The following LRMDA variants were observed in gnomAD, a reference collection of about 807,000 sequenced individuals.
LRMDA encodes leucine rich melanocyte differentiation associated.
In LRMDA, 18 loss-of-function variants were observed where a neutral mutation model predicts 29.8. The ratio of observed to expected loss-of-function variants is 0.60; its 90% CI spans 0.42 to 0.90. The LOEUF (loss-of-function observed/expected upper bound fraction) is 0.90. Among genes scored for constraint, LRMDA ranks in the 40% least tolerant of loss-of-function variants. The pLI, the probability that LRMDA is intolerant of heterozygous loss-of-function variation, is 0.00. For synonymous variants in LRMDA, 125 were observed against 109.4 expected (o/e 1.14, Z -0.89); for missense variants, 273 against 273.9 (o/e 1.00, Z 0.02).
chr10:75,551,637 T>C lies in LRMDA; in HGVS notation c.131+113143T>C, dbSNP rs141159964. ...CTGAGAATGATGGTTTCCAGCGTCA[T>C]GCATGTCCCTGCAAAGGACATGAAC... On this transcript the variant is annotated intron_variant, in intron 2 of 6. Transcript: ENST00000611255. Among the ~76,000 whole-genome samples, 1,420 of 152,264 alleles carry C rather than the reference T, an allele frequency of 9.3e-3. 26 individuals carry two copies. Among genetic ancestry groups the C allele is most frequent in the African/African-American group, 0.032 (1,328 of 41,548 alleles).
At chr10:75,918,833 G>A (rs138893309) in intron 2 of LRMDA, among the ~76,000 whole-genome samples, 3 of 152,078 alleles carry the variant, frequency 2.0e-5, no homozygotes, top group Non-Finnish European at 4.4e-5. Context: ...TTATTCACCT[G>A]TTTAGTTTAA....
chr10:75,827,638 G>A (rs760634482), intron 2 of LRMDA, among the ~76,000 whole-genome samples: 16 of 152,196 alleles, frequency 1.1e-4, no homozygotes, highest in Non-Finnish European at 2.4e-4. Flanking sequence ...GTAAAGCAAA[G>A]TGCAAAAATC....
intron 2 of LRMDA, among the ~76,000 whole-genome samples, chr10:76,016,819 G>A (rs74945698): frequency 0.018 from 2,671 of 152,288 alleles, 81 homozygotes; most frequent in African/African-American, 0.06. Context: ...GGATTTGACC[G>A]CCGCATCAGT....
chr10:75,471,888 C>A (rs1844731113), intron 2 of LRMDA, among the ~76,000 whole-genome samples: 1 of 152,062 alleles, frequency 6.6e-6, no homozygotes. Context: ...CTCCCTGTGT[C>A]AGGGAAGGCT....
intron 2 of LRMDA, among the ~76,000 whole-genome samples, chr10:75,818,739 G>A (rs1279216417): frequency 6.6e-6 from 1 of 152,188 alleles, no homozygotes; most frequent in Non-Finnish European, 1.5e-5. Flanking sequence ...ATAACTGCTG[G>A]TTTTCTTCTG....
At chr10:76,173,721 T>C (rs2196363) in intron 5 of LRMDA, among the ~76,000 whole-genome samples, 56,514 of 151,920 alleles carry the variant, frequency 0.37, 12,421 homozygotes, top group East Asian at 0.77. Flanking sequence ...AGTGCAGTGG[T>C]GCCATCTCGG....
intron 2 of LRMDA, among the ~76,000 whole-genome samples, chr10:76,010,314 C>CTTTTTTTTTTTTTTTTTTTTTCT (rs71024580): frequency 7.2e-6 from 1 of 138,888 alleles, no homozygotes. Context: ...AATTTATATC[C>CTTTTTTTTTTTTTTTTTTTTTCT]TTTTTTTTTT....
chr10:76,244,216 C>A (rs1362241297), intron 5 of LRMDA, among the ~76,000 whole-genome samples: 1 of 152,186 alleles, frequency 6.6e-6, no homozygotes, highest in Non-Finnish European at 1.5e-5. Context: ...TTACACTTGT[C>A]TCTCAGTATC....
intron 2 of LRMDA, among the ~76,000 whole-genome samples, chr10:75,477,846 T>C (rs1330463501): frequency 6.6e-6 from 1 of 152,258 alleles, no homozygotes; most frequent in Non-Finnish European, 1.5e-5. Context: ...TTTGCAAGAA[T>C]TATGGGCTTT....
chr10:75,877,452 T>G (rs933322475), intron 2 of LRMDA, among the ~76,000 whole-genome samples: 2 of 152,212 alleles, frequency 1.3e-5, no homozygotes, highest in Non-Finnish European at 2.9e-5. Context: ...CTCCAGGTTG[T>G]TTCTTAGATT....
At chr10:76,467,089 A>G (rs879839311) in intron 6 of LRMDA, among the ~76,000 whole-genome samples, 2 of 152,210 alleles carry the variant, frequency 1.3e-5, no homozygotes, top group Non-Finnish European at 2.9e-5. Flanking sequence ...TCCTTAAGTA[A>G]TCCCTTAGGA....
intron 2 of LRMDA, among the ~76,000 whole-genome samples, chr10:75,923,247 A>G (rs1200906848): frequency 1.3e-5 from 2 of 152,228 alleles, no homozygotes; most frequent in Admixed American, 6.5e-5. Flanking sequence ...ATAAAATAAC[A>G]TTGAAGAGGG....
chr10:76,441,134 G>T lies in LRMDA; in HGVS notation c.602-116075G>T, dbSNP rs78027393. ...GGAACACACACCAGATGGTGCATGAGTGATATTGTAGGGTGACTCTTTCAT... is the reference window on the plus strand; with the variant it reads ...GGAACACACACCAGATGGTGCATGATTGATATTGTAGGGTGACTCTTTCAT... On this transcript the variant is annotated intron_variant, in intron 6 of 6. Transcript: ENST00000611255. 6.3e-3 allele frequency among the ~76,000 whole-genome samples: 952 copies of T among 152,222 alleles called. 7 individuals are homozygous for T. Among genetic ancestry groups the T allele is most frequent in the African/African-American group, 0.022 (925 of 41,534 alleles).
chr10:75,561,131 C>G (rs1281040814), intron 2 of LRMDA, among the ~76,000 whole-genome samples: 3 of 151,564 alleles, frequency 2.0e-5, no homozygotes, highest in Non-Finnish European at 4.4e-5. Context: ...CCTTGTACCT[C>G]TGGTAGAATT....
intron 5 of LRMDA, among the ~76,000 whole-genome samples, chr10:76,209,252 T>A (rs1045503317): frequency 3.9e-5 from 6 of 152,168 alleles, no homozygotes; most frequent in African/African-American, 1.4e-4. Flanking sequence ...AAACAGACTG[T>A]GCTTCCGTGC....
At chr10:76,160,505 T>G (rs1850625878) in intron 5 of LRMDA, among the ~76,000 whole-genome samples, 1 of 152,086 alleles carries the variant, frequency 6.6e-6, no homozygotes, top group African/African-American at 2.4e-5. Flanking sequence ...CTGGGATTCA[T>G]TCAAAAAAAA....
intron 6 of LRMDA, among the ~76,000 whole-genome samples, chr10:76,519,008 T>C (rs1279318390): frequency 6.6e-6 from 1 of 152,100 alleles, no homozygotes; most frequent in Non-Finnish European, 1.5e-5. Flanking sequence ...AAAAGTTAAC[T>C]AGAAAAACCC....
At chr10:75,538,889 A>G (rs1295292342) in intron 2 of LRMDA, among the ~76,000 whole-genome samples, 1 of 152,158 alleles carries the variant, frequency 6.6e-6, no homozygotes, top group African/African-American at 2.4e-5. Flanking sequence ...TTCACATTCT[A>G]CAGTACTGAA....
chr10:75,842,814 G>C (rs759398957), intron 2 of LRMDA, among the ~76,000 whole-genome samples: 3 of 151,822 alleles, frequency 2.0e-5, no homozygotes, highest in Non-Finnish European at 4.4e-5. Flanking sequence ...GATGGCTTGA[G>C]CCCAGGAGCT....
Sources: allele counts gnomAD v4.1 joint callset (sites outside exome capture counted in the v4.1 genomes callset), GRCh38; gene constraint gnomAD v4.1.1; transcripts MANE v1.5; gene names NCBI Gene and HGNC (gene_info 2026-07-23, HGNC 2026-07-21).